SH3RF1: variants seen among roughly 807,000 people sequenced by gnomAD.
SH3RF1 encodes the protein E3 ubiquitin-protein ligase SH3RF1.
Under a neutral mutation model 74.0 loss-of-function variants are expected in SH3RF1, and 32 were observed. The ratio of observed to expected loss-of-function variants is 0.43; its 90% CI spans 0.33 to 0.58. The LOEUF (loss-of-function observed/expected upper bound fraction) is 0.58. Among genes scored for constraint, SH3RF1 ranks in the 20% least tolerant of loss-of-function variants. The probability of loss-of-function intolerance (pLI) is 0.05; values close to 1 mark genes in which losing one functional copy is unlikely to be tolerated. For synonymous variants in SH3RF1, 396 were observed against 439.6 expected (o/e 0.90, Z 1.24); for missense variants, 954 against 1,130.9 (o/e 0.84, Z 2.24).
chr4:169,126,473 A>G (rs2126948940), intron 6 of SH3RF1, among the ~76,000 whole-genome samples: 1 of 152,322 alleles, frequency 6.6e-6, no homozygotes, highest in African/African-American at 2.4e-5. Context: ...CCCACCAACA[A>G]CAGTAAGTTC....
In SH3RF1 at chr4:169,231,026, G is replaced by T. The variant is rs2706733; in HGVS notation, c.393+37794C>A. ...GCTAAAATGTAACGAAAAGGCCACC[G>T]GTGCTAGGGCATAGGAAGGCTACTT... is the stretch of plus-strand genomic sequence containing the variant. On this transcript the variant is annotated intron_variant, in intron 2 of 11. Transcript: ENST00000284637. Among the ~76,000 whole-genome samples the T allele has an allele frequency of 5.3e-5, 8 of 151,948 alleles. No individual in the cohort carries two copies. The South Asian group carries it at 1.5e-3, about 28-fold the overall frequency.
intron 2 of SH3RF1, among the ~76,000 whole-genome samples, chr4:169,257,042 C>T (rs1731203212): frequency 6.6e-6 from 1 of 152,208 alleles, no homozygotes; most frequent in African/African-American, 2.4e-5. Flanking sequence ...ATGTAATCCT[C>T]ACAAACTTGG....
intron 2 of SH3RF1, among the ~76,000 whole-genome samples, chr4:169,191,181 G>A (rs1162764152): frequency 6.6e-5 from 10 of 150,858 alleles, no homozygotes; most frequent in African/African-American, 2.2e-4. Context: ...GATGCCCACC[G>A]TCACCACTCC....
At chr4:169,127,231 A>T (rs1407119737) in intron 6 of SH3RF1, among the ~76,000 whole-genome samples, 1 of 152,254 alleles carries the variant, frequency 6.6e-6, no homozygotes, top group African/African-American at 2.4e-5. Context: ...GACAATGTTT[A>T]TAACTTCGTT....
intron 2 of SH3RF1, among the ~76,000 whole-genome samples, chr4:169,251,443 C>A (rs1731104448): frequency 6.6e-6 from 1 of 152,154 alleles, no homozygotes; most frequent in Non-Finnish European, 1.5e-5. Context: ...CCATCCTCAT[C>A]CCTTTTATTA....
intron 2 of SH3RF1, among the ~76,000 whole-genome samples, chr4:169,187,674 C>A (rs1579126871): frequency 6.6e-6 from 1 of 152,190 alleles, no homozygotes; most frequent in East Asian, 1.9e-4. Context: ...GACCAGGCAA[C>A]TGCAATCTAT....
In SH3RF1 at chr4:169,121,968, T is replaced by C. The variant is rs569760159; in HGVS notation, c.1346+132A>G. On this transcript the variant is annotated intron_variant, in intron 7 of 11. Transcript: ENST00000284637. ...TTACATGCATGACCAGGTAGAAGTT[T>C]GCAGGACACAGACCGCTTGGTGAGC... The C allele has an allele frequency of 1.1e-5, 13 of 1,174,238 alleles. No homozygotes were observed. In the African/African-American group the frequency reaches 2.0e-4, roughly 18 times the overall value. The allele number at this position is 1,174,238 out of a possible 1,614,324, so 72.7% of individuals were successfully genotyped here. A position where few individuals can be genotyped will look rare whatever the true frequency, so the allele number is the denominator to read the frequency against.
At chr4:169,106,791 A>G in intron 11 of SH3RF1, 56 bp downstream of exon 11, 1 of 1,333,864 alleles carries the variant, frequency 7.5e-7, no homozygotes, top group South Asian at 1.5e-5. Flanking sequence ...ATAATGTTCC[A>G]GCCTAAAGCC....
chr4:169,204,916 C>G (rs573777050), intron 2 of SH3RF1, among the ~76,000 whole-genome samples: 2 of 152,100 alleles, frequency 1.3e-5, no homozygotes, highest in East Asian at 1.9e-4. Flanking sequence ...AAAAAAAATT[C>G]TAATATTAAG....
At chr4:169,113,134 A>G (rs560865634) in intron 10 of SH3RF1, among the ~76,000 whole-genome samples, 1 of 152,110 alleles carries the variant, frequency 6.6e-6, no homozygotes, top group African/African-American at 2.4e-5. Flanking sequence ...CCCCTGAGAC[A>G]GAGTCTCACT....
chr4:169,211,525 G>T (rs1047692690), intron 2 of SH3RF1, among the ~76,000 whole-genome samples: 2 of 150,054 alleles, frequency 1.3e-5, no homozygotes, highest in African/African-American at 4.9e-5. Context: ...ATCAAAGAAC[G>T]CCAAGCTACC....
At chr4:169,103,552 A>G (rs943189837) in intron 11 of SH3RF1, among the ~76,000 whole-genome samples, 4 of 152,190 alleles carry the variant, frequency 2.6e-5, no homozygotes, top group African/African-American at 9.6e-5. Flanking sequence ...AGCACTTTTT[A>G]TTGTGTTGAA....
chr4:169,169,584 A>G (rs924359815), intron 2 of SH3RF1, among the ~76,000 whole-genome samples: 3 of 152,168 alleles, frequency 2.0e-5, no homozygotes, highest in African/African-American at 2.4e-5. Context: ...GCAACACAGC[A>G]AGACACTGTT....
chr4:169,264,122 C>A (rs1191228289), intron 2 of SH3RF1, among the ~76,000 whole-genome samples: 1 of 152,196 alleles, frequency 6.6e-6, no homozygotes, highest in African/African-American at 2.4e-5. Flanking sequence ...GCTACTACAT[C>A]CAAGGGCACA....
At chr4:169,259,727 CATA>C (rs1731246917) in intron 2 of SH3RF1, among the ~76,000 whole-genome samples, 1 of 152,124 alleles carries the variant, frequency 6.6e-6, no homozygotes, top group Non-Finnish European at 1.5e-5. Flanking sequence ...AGCCTCCAAG[CATA>C]ATATTTCTAT....
intron 2 of SH3RF1, among the ~76,000 whole-genome samples, chr4:169,216,065 A>G (rs1730457268): frequency 6.6e-6 from 1 of 152,172 alleles, no homozygotes; most frequent in Non-Finnish European, 1.5e-5. Context: ...TGGCCTCCCA[A>G]AGTGGTGGGA....
intron 10 of SH3RF1, 148 bp downstream of exon 10, chr4:169,116,121 C>G: frequency 8.9e-7 from 1 of 1,125,112 alleles, no homozygotes; most frequent in Non-Finnish European, 1.2e-6. Context: ...CTACTCCTAG[C>G]ACCTGGCATA....
chr4:169,245,713 C>T (rs930180083), intron 2 of SH3RF1, among the ~76,000 whole-genome samples: 1 of 152,088 alleles, frequency 6.6e-6, no homozygotes, highest in South Asian at 2.1e-4. Flanking sequence ...TAGAAAAATC[C>T]GTATGGCGGT....
chr4:169,269,392 T>A, intron 1 of SH3RF1, 85 bp from the exon 2 acceptor site: 1 of 611,822 alleles, frequency 1.6e-6, no homozygotes, highest in Non-Finnish European at 2.7e-6. Flanking sequence ...AATCAAAAAG[T>A]ACCCAAAAGT....
Sources: allele counts gnomAD v4.1 joint callset (sites outside exome capture counted in the v4.1 genomes callset), GRCh38; gene constraint gnomAD v4.1.1; transcripts MANE v1.5; gene names NCBI Gene and HGNC (gene_info 2026-07-23, HGNC 2026-07-21).